Variants in CSPG4 observed in about 807,000 individuals in gnomAD.
CSPG4 encodes chondroitin sulfate proteoglycan 4.
CSPG4 carries 74 observed loss-of-function variants against 139.3 expected under a neutral mutation model. The observed-to-expected ratio is 0.53, with a 90% CI of 0.44 to 0.64. The LOEUF is 0.64. Ranked by LOEUF, CSPG4 falls within the 30% of genes least tolerant of loss-of-function variation. The probability of loss-of-function intolerance (pLI) is 0.00; values close to 1 mark genes in which losing one functional copy is unlikely to be tolerated. For synonymous variants in CSPG4, 1,234 were observed against 1,394.2 expected, an observed-to-expected ratio of 0.89 and a Z score of 2.56; for missense variants, 2,565 against 3,148.3, an observed-to-expected ratio of 0.81 and a Z score of 4.43.
chr15:75,678,350 A>AATT (rs906963864), intron 8 of CSPG4: 10 of 183,452 alleles, frequency 5.5e-5, no homozygotes, highest in Admixed American at 1.8e-4. Context: ...CTATTTAATT[A>AATT]ATTATTATTA....
Position 75,674,924 on chromosome 15 carries a change from A to G in CSPG4, c.*626T>C. 2 of 398,004 alleles carry G rather than the reference A, an allele frequency of 5.0e-6. No individual in the cohort carries two copies. Among genetic ancestry groups the G allele is most frequent in the Non-Finnish European group, 8.9e-6 (2 of 225,880 alleles). 24.7% of individuals were successfully genotyped at this position (398,004 alleles called of 1,614,324 possible). A position where few individuals can be genotyped will look rare whatever the true frequency, so the allele number is the denominator to read the frequency against. ...AGCTTCCTTGCAATCTCCCTTAAATAAACCCATCCCCAGAGCAACCTACCC... is the reference window on the plus strand; with the variant it reads ...AGCTTCCTTGCAATCTCCCTTAAATGAACCCATCCCCAGAGCAACCTACCC... On this transcript the variant is annotated 3_prime_UTR_variant, in exon 10 of 10. Coordinates refer to ENST00000308508, the MANE Select transcript of CSPG4 (RefSeq NM_001897.5).
Position 75,676,593 on chromosome 15 carries a change from C to A in CSPG4, c.5926G>T (p.Glu1976Ter), listed in dbSNP as rs770463273. 15 of 1,612,306 alleles carry A rather than the reference C, an allele frequency of 9.3e-6. No homozygotes were observed. Among genetic ancestry groups the A allele is most frequent in the African/African-American group, 1.3e-5 (1 of 74,948 alleles). ...LRVVSDREEP[E>*]AAYRLIQGPQ... is the part of the protein sequence containing the mutation. The stretch of plus-strand genomic sequence containing the variant: ...CCCTGGATGAGGCGGTATGCTGCCT[C>A]TGGCTCCTCCCGATCTGAAACCACC... Residue 1976 changes from glutamate to a stop codon, truncating the protein, a stop_gained, in exon 10 of 10, where the codon GAG (glutamate) becomes TAG (stop). Coordinates refer to ENST00000308508, the MANE Select transcript of CSPG4 (RefSeq NM_001897.5). LOFTEE classifies it high-confidence loss of function.
chr15:75,693,876 G>T (rs750810669), intron 1 of CSPG4, among the ~76,000 whole-genome samples: 4 of 152,208 alleles, frequency 2.6e-5, no homozygotes, highest in Non-Finnish European at 5.9e-5. Context: ...TTGAGCGTCG[G>T]GGCAGGAGCT....
At chr15:75,707,654 T>C (rs1354037714) in intron 1 of CSPG4, among the ~76,000 whole-genome samples, 2 of 152,206 alleles carry the variant, frequency 1.3e-5, no homozygotes, top group Non-Finnish European at 2.9e-5. Flanking sequence ...CAAGGGCCCT[T>C]AGTACCAATC....
intron 1 of CSPG4, among the ~76,000 whole-genome samples, chr15:75,702,360 C>T (rs1228117038): frequency 1.3e-5 from 2 of 152,282 alleles, no homozygotes; most frequent in Non-Finnish European, 1.5e-5. Context: ...TGTCCTCATG[C>T]TCTTTCAGGA....
At chr15:75,708,603 T>C (rs4886953) in intron 1 of CSPG4, among the ~76,000 whole-genome samples, 75,150 of 152,152 alleles carry the variant, frequency 0.49, 19,824 homozygotes, top group African/African-American at 0.71. Context: ...TGGTGGGTGG[T>C]TGTCCACCTG....
At position 75,682,911 on chromosome 15, in the gene CSPG4, G is replaced by A. The variant is rs540165747; in HGVS notation, c.4580C>T (p.Pro1527Leu). 5.6e-6 allele frequency: 9 copies of A among 1,610,856 alleles called. No individual in the cohort carries two copies. The highest frequency in any genetic ancestry group is 2.2e-5 in the East Asian group (1 of 44,858). Reference protein sequence around the residue: ...SNGRVVLRGAPGTEVRSFTQA... With the variant: ...SNGRVVLRGALGTEVRSFTQA... ...CGTGAAGCTGCGCACCTCAGTGCCC[G>A]GCGCCCCCCGCAGCACTACCCGCCC... The change falls in exon 6 of 10, where the codon CCG becomes CTG. Residue 1527 changes from proline to leucine, a missense_variant. Pro to Leu is a moderately conservative substitution (Grantham distance 98). Transcript: ENST00000308508.
intron 2 of CSPG4, among the ~76,000 whole-genome samples, chr15:75,691,302 C>T (rs1339783589): frequency 2.0e-5 from 3 of 152,236 alleles, no homozygotes; most frequent in African/African-American, 4.8e-5. Context: ...ATCCTCCAAA[C>T]ACTCACCAAA....
Position 75,675,960 on chromosome 15 carries a change from C to T in CSPG4, c.6559G>A (p.Gly2187Arg). The change falls in exon 10 of 10, where the codon GGG (glycine) becomes AGG (arginine). Residue 2187 changes from glycine (G) to arginine (R), a missense_variant. Gly to Arg is a moderately radical substitution (Grantham distance 125). This residue lies in a region of CSPG4 where 2,316 missense variants were observed against 2,818.2 expected (regional missense o/e 0.82). Coordinates refer to ENST00000308508, the MANE Select transcript of CSPG4 (RefSeq NM_001897.5). Reference protein sequence around the residue: ...SVPEAARTEAGKPESSTPTGE... With the variant: ...SVPEAARTEARKPESSTPTGE... ...GTGGGGGTGCTGCTCTCTGGCTTCC[C>T]TGCTTCCGTCCGGGCGGCCTCGGGG... The T allele has an allele frequency of 6.3e-7, 1 of 1,584,760 alleles. No homozygotes were observed. Among genetic ancestry groups the T allele is most frequent in the Non-Finnish European group, 8.5e-7 (1 of 1,169,722 alleles).
chr15:75,692,450 C>A (rs1285760104), intron 2 of CSPG4, among the ~76,000 whole-genome samples: 2 of 152,208 alleles, frequency 1.3e-5, no homozygotes, highest in Non-Finnish European at 2.9e-5. Flanking sequence ...ACCCTGGGTT[C>A]TTAAACTCTT....
In CSPG4 at chr15:75,688,951, C is replaced by T. The variant is rs1447470780; in HGVS notation, c.2114G>A (p.Gly705Glu). 1 of 1,612,600 alleles carries T rather than the reference C, an allele frequency of 6.2e-7. No homozygotes were observed. Among genetic ancestry groups the T allele is most frequent in the Non-Finnish European group, 8.5e-7 (1 of 1,180,032 alleles). ...CTGCAGCTCCCCAAACTGCAGGGCCCCAGTGACGCGGAACAGCACGCTCAC... is the reference window on the plus strand; with the variant it reads ...CTGCAGCTCCCCAAACTGCAGGGCCTCAGTGACGCGGAACAGCACGCTCAC... ...QDVSVLFRVT[G>E]ALQFGELQKQ... Residue 705 changes from glycine (G) to glutamate (E), a missense_variant, in exon 3 of 10, where the codon GGG (glycine) becomes GAG (glutamate). Gly to Glu is a moderately conservative substitution (Grantham distance 98, BLOSUM62 -2). Coordinates refer to ENST00000308508, the MANE Select transcript of CSPG4 (RefSeq NM_001897.5).
In CSPG4 at chr15:75,689,046, C is replaced by A; in HGVS notation, c.2019G>T (p.Leu673=). 6.2e-7 allele frequency: 1 copy of A among 1,611,474 alleles called. No homozygotes were observed. Among genetic ancestry groups the A allele is most frequent in the Non-Finnish European group, 8.5e-7 (1 of 1,179,948 alleles). ...IQIHRSTGLR[L]AQGSAMPILP... is the part of the protein sequence containing the mutation. ...AGATGGGCATGGCAGAGCCTTGGGCCAGTCGCAACCCTGTGCTGCGGTGGA... is the reference window on the plus strand; with the variant it reads ...AGATGGGCATGGCAGAGCCTTGGGCAAGTCGCAACCCTGTGCTGCGGTGGA... The change falls in exon 3 of 10, where the codon CTG becomes CTT. Residue 673 remains leucine, a synonymous_variant. Transcript: ENST00000308508.
Position 75,690,550 on chromosome 15 carries a change from G to A in CSPG4, c.515C>T (p.Ala172Val), listed in dbSNP as rs141482759. ...TSRPLRGCLH[A>V]ATLNGRSLLR... The stretch of plus-strand genomic sequence containing the variant: ...GAGGCTGCGGCCATTGAGGGTGGCT[G>A]CATGGAGGCAACCCCTCAGGGGTCG... Residue 172 changes from alanine (A) to valine (V), a missense_variant, in exon 3 of 10, where the codon GCA becomes GTA. This residue lies in a region of CSPG4 where 132 missense variants were observed against 132.3 expected (regional missense o/e 1.00). Transcript: ENST00000308508. 151 of 1,609,200 alleles carry A rather than the reference G, an allele frequency of 9.4e-5. No homozygotes were observed. The highest frequency in any genetic ancestry group is 1.2e-4 in the Non-Finnish European group (139 of 1,178,904).
chr15:75,675,790 G>A lies in CSPG4; in HGVS notation c.6729C>T (p.Leu2243=), dbSNP rs1566970845. The change falls in exon 10 of 10, where the codon CTC becomes CTT. Residue 2243 remains leucine, a synonymous_variant. Transcript: ENST00000308508. ...TCTTGTTGCGTTTTCGGAGGTAGAA[G>A]AGCAGGGGCAGGATGAGCGCCAGGA... ...LLLLALILPL[L]FYLRKRNKTG... The A allele has an allele frequency of 1.2e-6, 2 of 1,613,630 alleles. No homozygotes were observed. The highest frequency in any genetic ancestry group is 1.7e-6 in the Non-Finnish European group (2 of 1,179,958).
rs1291621111 is a variant in CSPG4 at position 75,676,022 on chromosome 15, T to C, written c.6497A>G (p.Asn2166Ser). 1.9e-6 allele frequency: 3 copies of C among 1,559,600 alleles called. No homozygotes were observed. The highest frequency in any genetic ancestry group is 2.6e-6 in the Non-Finnish European group (3 of 1,157,524). Residue 2166 changes from asparagine (N) to serine (S), a missense_variant, in exon 10 of 10, where the codon AAT becomes AGT. Asn to Ser is a conservative substitution (Grantham distance 46). Transcript: ENST00000308508. The stretch of plus-strand genomic sequence containing the variant: ...GGCCACGCTGTAGGGCCGGGCAGCA[T>C]TGTAAGGCTCAGTGGCAAAGTCCAG... ...ASLDFATEPYNAARPYSVALL... is the reference protein window; with the variant it reads ...ASLDFATEPYSAARPYSVALL...
rs1175003643 is a variant in CSPG4, at chr15:75,698,247, G to A, written c.89-5014C>T. Among the ~76,000 whole-genome samples the A allele has an allele frequency of 1.3e-5, 2 of 152,016 alleles. No homozygotes were observed. The highest frequency in any genetic ancestry group is 1.9e-4 in the East Asian group (1 of 5,168). On this transcript the variant is annotated intron_variant, in intron 1 of 9. Transcript: ENST00000308508. The surrounding 1 kb of genome is among the most constrained non-coding windows in gnomAD (Gnocchi z 4.3). ...GGGTGAGGGAGTCTGAGGGGGCTGT[G>A]GGATGGGGTATTCTGGGAGGGCCAA... is the stretch of plus-strand genomic sequence containing the variant.
In CSPG4 at chr15:75,687,855, G is replaced by T. The variant is rs774662850; in HGVS notation, c.3210C>A (p.Ala1070=). 1 of 1,612,808 alleles carries T rather than the reference G, an allele frequency of 6.2e-7. No individual in the cohort carries two copies. Among genetic ancestry groups the T allele is most frequent in the Admixed American group, 1.7e-5 (1 of 60,004 alleles). ...AGATGGGCCGCGTGGGCTCATCTAC[G>T]GCCACGATACTGCCAAAGAGGAGGT... ...RKDLLFGSIV[A]VDEPTRPIYR... is the part of the protein sequence containing the mutation. Residue 1070 remains alanine (A), a synonymous_variant, in exon 3 of 10, where the codon GCC becomes GCA. Transcript: ENST00000308508. The surrounding 1 kb of genome is among the most constrained non-coding windows in gnomAD (Gnocchi z 5.4).
intron 1 of CSPG4, among the ~76,000 whole-genome samples, chr15:75,709,872 G>A (rs1363399771): frequency 1.3e-5 from 2 of 151,972 alleles, no homozygotes; most frequent in Non-Finnish European, 2.9e-5. Context: ...TAGGGAGGGA[G>A]GCTCCGTTAC....
chr15:75,707,746 C>G (rs1188833705), intron 1 of CSPG4, among the ~76,000 whole-genome samples: 14 of 152,238 alleles, frequency 9.2e-5, no homozygotes, highest in Non-Finnish European at 1.9e-4. Context: ...TATTCCCAAG[C>G]TCAGCTGCCT....
Sources: gnomAD v4.1 joint callset for allele counts (sites outside exome capture counted in the v4.1 genomes callset) on GRCh38, gnomAD v4.1.1 for gene constraint, gnomAD v4.1.1 regional missense constraint, Gnocchi (gnomAD v3.1) non-coding constraint, MANE v1.5 for transcripts, NCBI Gene and HGNC (gene_info 2026-07-23, HGNC 2026-07-21) for gene names.